RAPGEF1: variants seen among roughly 807,000 people sequenced by gnomAD.
The protein encoded by RAPGEF1 is CRK SH3-binding GNRP.
A neutral mutation model predicts 143.3 loss-of-function variants in RAPGEF1; 33 were observed. The observed-to-expected ratio is 0.23, with a 90% CI of 0.17 to 0.31. RAPGEF1 has a LOEUF of 0.31. Among genes scored for constraint, RAPGEF1 ranks in the 10% least tolerant of loss-of-function variants. The pLI, the probability that RAPGEF1 is intolerant of heterozygous loss-of-function variation, is 1.00. For missense variants in RAPGEF1, 1,199 were observed against 1,645.4 expected, an observed-to-expected ratio of 0.73 and a Z score of 4.69; for synonymous variants, 629 against 676.5, an observed-to-expected ratio of 0.93 and a Z score of 1.09.
chr9:131,684,074 C>T lies in RAPGEF1; in HGVS notation c.62-33125G>A, dbSNP rs184287896. Among the ~76,000 whole-genome samples, 412 of 152,360 alleles carry T rather than the reference C, an allele frequency of 2.7e-3. 1 individual carries two copies. Among genetic ancestry groups the T allele is most frequent in the African/African-American group, 9.2e-3 (382 of 41,580 alleles). On this transcript the variant is annotated intron_variant, in intron 1 of 26. Coordinates refer to ENST00000683357, the MANE Select transcript of RAPGEF1 (RefSeq NM_001377935.1). Reference sequence around the variant, plus strand: ...ATGTTAGTGCCTCTGGTCTCAAACGCAGATACAGCATTACCTGGAAAGAAG... The same window carrying T: ...ATGTTAGTGCCTCTGGTCTCAAACGTAGATACAGCATTACCTGGAAAGAAG...
At chr9:131,719,909 A>C (rs1000720673) in intron 1 of RAPGEF1, among the ~76,000 whole-genome samples, 1 of 148,132 alleles carries the variant, frequency 6.8e-6, no homozygotes, top group Admixed American at 6.7e-5. Context: ...TTTTGAGACA[A>C]GAGTCTCACT....
At chr9:131,613,484 G>A (rs904140385) in intron 12 of RAPGEF1, among the ~76,000 whole-genome samples, 1 of 152,204 alleles carries the variant, frequency 6.6e-6, no homozygotes, top group African/African-American at 2.4e-5. Context: ...GAGGCAGGAA[G>A]GCCAGTCAGG....
At chr9:131,596,105 G>A (rs1175336109) in intron 17 of RAPGEF1, among the ~76,000 whole-genome samples, 193 bp downstream of exon 17, 1 of 152,168 alleles carries the variant, frequency 6.6e-6, no homozygotes, top group African/African-American at 2.4e-5. Flanking sequence ...CAGATGCCAC[G>A]CACGCCTGGA....
chr9:131,712,327 A>G (rs1835567628), intron 1 of RAPGEF1, among the ~76,000 whole-genome samples: 1 of 152,240 alleles, frequency 6.6e-6, no homozygotes, highest in South Asian at 2.1e-4. Context: ...ATGAGTGGAT[A>G]GGTGACAGAA....
At chr9:131,693,013 A>C in intron 1 of RAPGEF1, among the ~76,000 whole-genome samples, 1 of 152,214 alleles carries the variant, frequency 6.6e-6, no homozygotes, top group East Asian at 1.9e-4. Flanking sequence ...GGCATACTCC[A>C]AACTCTTGGT....
chr9:131,640,110 T>G (rs1967441177), intron 4 of RAPGEF1, among the ~76,000 whole-genome samples: 2 of 152,250 alleles, frequency 1.3e-5, no homozygotes, highest in African/African-American at 4.8e-5. Flanking sequence ...TTGTTGGAAC[T>G]ACTCTCTTAG....
At chr9:131,710,414 C>T (rs553118376) in intron 1 of RAPGEF1, among the ~76,000 whole-genome samples, 21 of 152,278 alleles carry the variant, frequency 1.4e-4, no homozygotes, top group Middle Eastern at 3.4e-3. Flanking sequence ...GAAAGTGCTA[C>T]GCTACCTAAA....
chr9:131,682,595 T>C (rs1419558921), intron 1 of RAPGEF1, among the ~76,000 whole-genome samples: 4 of 152,194 alleles, frequency 2.6e-5, no homozygotes, highest in Non-Finnish European at 5.9e-5. Flanking sequence ...GAAATTCAAA[T>C]TGTTGTAACT....
At position 131,651,098 on chromosome 9, in the gene RAPGEF1, A is replaced by C. The variant is rs143550615; in HGVS notation, c.62-149T>G. 3.5e-4 allele frequency: 355 copies of C among 1,025,924 alleles called. 1 individual carries two copies. The East Asian group carries it at 9.2e-3, about 27-fold the overall frequency. The allele number at this position is 1,025,924 out of a possible 1,614,324, so 63.6% of individuals were successfully genotyped here. A position where few individuals can be genotyped will look rare whatever the true frequency, so the allele number is the denominator to read the frequency against. On this transcript the variant is annotated intron_variant, in intron 1 of 26. Transcript: ENST00000683357. ...GGGAAAGGACGTATGGATCCATTACAAAACATTTCTGCTTACATGCTTCAA... is the reference window on the plus strand; with the variant it reads ...GGGAAAGGACGTATGGATCCATTACCAAACATTTCTGCTTACATGCTTCAA...
chr9:131,726,203 T>C (rs1836656912), intron 1 of RAPGEF1, among the ~76,000 whole-genome samples: 1 of 152,164 alleles, frequency 6.6e-6, no homozygotes, highest in African/African-American at 2.4e-5. Flanking sequence ...TAAAAAGGAA[T>C]GAACCAGTGA....
Position 131,584,265 on chromosome 9 carries a change from C to G in RAPGEF1, c.3414+46G>C. ...AGCTAGTCGCCTGAGGGCTGGGCGG[C>G]CCCCCTTACCAGCCACCCTCCCGCC... is the stretch of plus-strand genomic sequence containing the variant. On this transcript the variant is annotated intron_variant, in intron 24 of 26. Coordinates refer to ENST00000683357, the MANE Select transcript of RAPGEF1 (RefSeq NM_001377935.1). The surrounding 1 kb of genome is among the most constrained non-coding windows in gnomAD (Gnocchi z 6.8). 6.6e-7 allele frequency: 1 copy of G among 1,516,000 alleles called. No individual in the cohort carries two copies. Among genetic ancestry groups the G allele is most frequent in the Non-Finnish European group, 9.0e-7 (1 of 1,109,446 alleles). The allele number at this position is 1,516,000 out of a possible 1,614,324, so 93.9% of individuals were successfully genotyped here.
intron 19 of RAPGEF1, 36 bp downstream of exon 19, chr9:131,589,850 C>A: frequency 6.3e-7 from 1 of 1,580,936 alleles, no homozygotes; most frequent in South Asian, 1.1e-5. Flanking sequence ...TTTGCCTCCC[C>A]ACTGGCCCCC....
intron 12 of RAPGEF1, among the ~76,000 whole-genome samples, chr9:131,612,359 T>A (rs1958152763): frequency 6.6e-6 from 1 of 152,208 alleles, no homozygotes; most frequent in South Asian, 2.1e-4. Context: ...GGGGCACCGA[T>A]CAGCCAAAAT....
At chr9:131,632,978 G>C (rs1022540880) in intron 5 of RAPGEF1, among the ~76,000 whole-genome samples, 1 of 152,214 alleles carries the variant, frequency 6.6e-6, no homozygotes, top group Non-Finnish European at 1.5e-5. Flanking sequence ...AAAGTGCTGG[G>C]ATTACAGGTG....
At chr9:131,672,129 C>T (rs1831502661) in intron 1 of RAPGEF1, among the ~76,000 whole-genome samples, 1 of 152,158 alleles carries the variant, frequency 6.6e-6, no homozygotes, top group Non-Finnish European at 1.5e-5. Context: ...AGCTTCCCCT[C>T]CTGAGCCTGG....
chr9:131,584,303 C>A lies in RAPGEF1; in HGVS notation c.3414+8G>T. Reference sequence around the variant, plus strand: ...CCACCCTCCCGCCCACGCCCCAAGGCCACTCACCTCTGAAGTCTGCTTCTG... The same window carrying A: ...CCACCCTCCCGCCCACGCCCCAAGGACACTCACCTCTGAAGTCTGCTTCTG... On this transcript the variant is annotated splice_region_variant and intron_variant, in intron 24 of 26. Coordinates refer to ENST00000683357, the MANE Select transcript of RAPGEF1 (RefSeq NM_001377935.1). The surrounding 1 kb of genome is among the most constrained non-coding windows in gnomAD (Gnocchi z 6.8). 1 of 1,606,480 alleles carries A rather than the reference C, an allele frequency of 6.2e-7. No individual in the cohort carries two copies. The highest frequency in any genetic ancestry group is 8.5e-7 in the Non-Finnish European group (1 of 1,176,348).
chr9:131,628,999 G>T lies in RAPGEF1; in HGVS notation c.893+103C>A. On this transcript the variant is annotated intron_variant, in intron 7 of 26. Transcript: ENST00000683357. The surrounding 1 kb of genome is among the most constrained non-coding windows in gnomAD (Gnocchi z 5.7). ...GCTCCAGAGTCAGCCTCCCAAGGGG[G>T]GCCAAGCCCTCAGCGCTGAGGGGAA... is the stretch of plus-strand genomic sequence containing the variant. 1 of 1,437,362 alleles carries T rather than the reference G, an allele frequency of 7.0e-7. No homozygotes were observed. Among genetic ancestry groups the T allele is most frequent in the Non-Finnish European group, 9.3e-7 (1 of 1,077,740 alleles). 89.0% of individuals were successfully genotyped at this position (1,437,362 alleles called of 1,614,324 possible). A position where few individuals can be genotyped will look rare whatever the true frequency, so the allele number is the denominator to read the frequency against.
chr9:131,587,690 G>T, intron 22 of RAPGEF1, 46 bp downstream of exon 22: 2 of 1,563,120 alleles, frequency 1.3e-6, no homozygotes, highest in Non-Finnish European at 1.8e-6. Flanking sequence ...CCACCCAGAC[G>T]TGCCACCATC....
intron 12 of RAPGEF1, among the ~76,000 whole-genome samples, chr9:131,618,089 G>A (rs1959353388): frequency 6.6e-6 from 1 of 152,248 alleles, no homozygotes; most frequent in Non-Finnish European, 1.5e-5. Flanking sequence ...AGAGGCAGAA[G>A]CAACTTCCCT....
Sources: allele counts gnomAD v4.1 joint callset (sites outside exome capture counted in the v4.1 genomes callset), GRCh38; gene constraint gnomAD v4.1.1; non-coding constraint Gnocchi (gnomAD v3.1); transcripts MANE v1.5; gene names NCBI Gene and HGNC (gene_info 2026-07-23, HGNC 2026-07-21).